The following TBP variants were observed in gnomAD, a reference collection of about 807,000 sequenced individuals.
TBP encodes the protein TATA-box binding protein.
Under a neutral mutation model 46.2 loss-of-function variants are expected in TBP, and 12 were observed. The observed-to-expected ratio is 0.26, with a 90% confidence interval of 0.17 to 0.42. The LOEUF is 0.42. Among genes scored for constraint, TBP ranks in the 10% least tolerant of loss-of-function variants. The probability of loss-of-function intolerance (pLI) is 1.00; values close to 1 mark genes in which losing one functional copy is unlikely to be tolerated. For synonymous variants in TBP, 157 were observed against 148.3 expected (o/e 1.06, Z -0.42); for missense variants, 229 against 403.1 (o/e 0.57, Z 3.70).
At chr6:170,560,053 C>T (rs1469766644) in intron 2 of TBP, among the ~76,000 whole-genome samples, 1 of 152,174 alleles carries the variant, frequency 6.6e-6, no homozygotes, top group Admixed American at 6.5e-5. Context: ...AGTTTAATTT[C>T]AAAATATTAC....
At chr6:170,571,300 TACCTCTTGACTA>T (rs1779362276) in intron 6 of TBP, 98 bp from the exon 7 acceptor site, 1 of 722,056 alleles carries the variant, frequency 1.4e-6, no homozygotes, top group Admixed American at 2.7e-5. Flanking sequence ...AACTGTGTTT[TACCTCTTGACTA>T]GTTTGTTTAT....
chr6:170,564,518 C>T (rs1222816187), intron 3 of TBP, 27 bp from the exon 4 acceptor site: 11 of 1,476,972 alleles, frequency 7.4e-6, no homozygotes, highest in South Asian at 2.4e-5. Context: ...TTTAAATAGT[C>T]GTGTTTTCTT....
chr6:170,564,686 G>GC, intron 4 of TBP, 54 bp downstream of exon 4: 1 of 1,229,452 alleles, frequency 8.1e-7, no homozygotes, highest in South Asian at 1.3e-5. Context: ...CTCCTCTGCC[G>GC]TGTCTCTATA....
In TBP at chr6:170,562,009, GCAGCAGCAA is replaced by G; in HGVS notation, c.277_285del (p.Gln93_Gln95del). 2.0e-6 allele frequency: 3 copies of G among 1,527,594 alleles called. No individual in the cohort carries two copies. The East Asian group carries it at 7.2e-5, about 36-fold the overall frequency. 94.6% of individuals were successfully genotyped at this position (1,527,594 alleles called of 1,614,324 possible). ...AGCAGCAGCAGCAGCAGCAGCAGCA[GCAGCAGCAA>G]CAGGCAGTGGCAGCTGCAGCCGTTC... On this transcript the variant is annotated inframe_deletion, in exon 3 of 8. Coordinates refer to ENST00000392092, the MANE Select transcript of TBP (RefSeq NM_003194.5).
At chr6:170,570,086 T>TC (rs1779341990) in intron 6 of TBP, among the ~76,000 whole-genome samples, 3 of 141,248 alleles carry the variant, frequency 2.1e-5, no homozygotes, top group African/African-American at 8.0e-5. Context: ...ACCCTAACCT[T>TC]GTATCAATTT....
intron 1 of TBP, among the ~76,000 whole-genome samples, chr6:170,556,240 T>C (rs1333528755): frequency 1.3e-5 from 2 of 152,210 alleles, no homozygotes; most frequent in Admixed American, 6.5e-5. Context: ...TCATTTCAGA[T>C]GTGTAGTGAG....
chr6:170,562,119 C>T lies in TBP; in HGVS notation c.383C>T (p.Thr128Ile), dbSNP rs760224751. The change falls in exon 3 of 8, where the codon ACA becomes ATA. Residue 128 changes from threonine (T) to isoleucine (I), a missense_variant. By Grantham distance (89) the Thr-to-Ile change is moderately conservative. Around this residue, in one of 4 missense-constraint regions of TBP, gnomAD observed 69 missense variants for 66.2 expected, o/e 1.04. Transcript: ENST00000392092. ...CAGCTCTTCCACTCACAGACTCTCA[C>T]AACTGCACCCTTGCCGGGCACCACT... ...APQLFHSQTL[T>I]TAPLPGTTPL... The T allele has an allele frequency of 1.2e-6, 2 of 1,614,220 alleles. No homozygotes were observed. Among genetic ancestry groups the T allele is most frequent in the East Asian group, 2.2e-5 (1 of 44,886 alleles).
At chr6:170,555,968 T>C (rs1319827055) in intron 1 of TBP, among the ~76,000 whole-genome samples, 1 of 152,214 alleles carries the variant, frequency 6.6e-6, no homozygotes, top group Non-Finnish European at 1.5e-5. Flanking sequence ...TTAAAAAATA[T>C]CTCTGATATA....
chr6:170,571,431 T>C lies in TBP; in HGVS notation c.867T>C (p.Pro289=), dbSNP rs1562363172. ...CTAGTTATGAGCCAGAGTTATTTCC[T>C]GGTTTAATCTACAGAATGATCAAAC... The part of the protein sequence containing the change: ...QFSSYEPELF[P]GLIYRMIKPR... The change falls in exon 7 of 8, where the codon CCT becomes CCC. Residue 289 remains proline (P), a synonymous_variant. Transcript: ENST00000392092. 3 of 1,613,754 alleles carry C rather than the reference T, an allele frequency of 1.9e-6. No homozygotes were observed. Among genetic ancestry groups the C allele is most frequent in the Non-Finnish European group, 2.5e-6 (3 of 1,179,950 alleles).
At chr6:170,565,042 G>A (rs759286653) in intron 4 of TBP, among the ~76,000 whole-genome samples, 7 of 69,170 alleles carry the variant, frequency 1.0e-4, no homozygotes, top group African/African-American at 2.4e-4. Flanking sequence ...CTGTAATCCC[G>A]GCTACTTGGG....
chr6:170,563,203 G>T (rs374703761), intron 3 of TBP, among the ~76,000 whole-genome samples: 5 of 152,150 alleles, frequency 3.3e-5, no homozygotes, highest in Admixed American at 6.5e-5. Flanking sequence ...CAGCATGCTT[G>T]TCTGACTCCC....
In TBP at chr6:170,565,754, G is replaced by C. The variant is rs544773517; in HGVS notation, c.585+1122G>C. ...TTTTAGATGTTGATAAAATCACAGGGAAGACATAGAGCAGGTTTTAAACTA... is the reference window on the plus strand; with the variant it reads ...TTTTAGATGTTGATAAAATCACAGGCAAGACATAGAGCAGGTTTTAAACTA... On this transcript the variant is annotated intron_variant, in intron 4 of 7. Coordinates refer to ENST00000392092, the MANE Select transcript of TBP (RefSeq NM_003194.5). Among the ~76,000 whole-genome samples, 30 of 152,254 alleles carry C rather than the reference G, an allele frequency of 2.0e-4. No individual in the cohort carries two copies. In the South Asian group the frequency reaches 6.0e-3, roughly 30 times the overall value.
intron 4 of TBP, among the ~76,000 whole-genome samples, chr6:170,566,392 G>A (rs1779247517): frequency 6.6e-6 from 1 of 152,158 alleles, no homozygotes; most frequent in Non-Finnish European, 1.5e-5. Context: ...TTGCATTTAT[G>A]TGTTTAATAC....
intron 1 of TBP, among the ~76,000 whole-genome samples, chr6:170,555,176 T>C (rs1778993128): frequency 6.6e-6 from 1 of 152,240 alleles, no homozygotes; most frequent in Non-Finnish European, 1.5e-5. Context: ...CGGTTTCTTC[T>C]GTAGACTTAC....
chr6:170,562,054 G>A lies in TBP; in HGVS notation c.318G>A (p.Thr106=), dbSNP rs558770381. The change falls in exon 3 of 8, where the codon ACG becomes ACA. Residue 106 remains threonine, a synonymous_variant. Coordinates refer to ENST00000392092, the MANE Select transcript of TBP (RefSeq NM_003194.5). ...AVAAAAVQQS[T]SQQATQGTSG... is the part of the protein sequence containing the mutation. ...CAGCTGCAGCCGTTCAGCAGTCAAC[G>A]TCCCAGCAGGCAACACAGGGAACCT... is the stretch of plus-strand genomic sequence containing the variant. The A allele has an allele frequency of 6.2e-6, 10 of 1,613,970 alleles. No homozygotes were observed. The highest frequency in any genetic ancestry group is 4.0e-5 in the African/African-American group (3 of 74,938).
rs11962869 is a variant in TBP, at chr6:170,564,483, G to A, written c.498-62G>A. 12,929 of 1,169,500 alleles carry A rather than the reference G, an allele frequency of 0.011. 1,048 individuals carry two copies. In the African/African-American group the frequency reaches 0.18, roughly 16 times the overall value. 72.4% of individuals were successfully genotyped at this position (1,169,500 alleles called of 1,614,324 possible). A position where few individuals can be genotyped will look rare whatever the true frequency, so the allele number is the denominator to read the frequency against. ...ATCAGATGTCTGCATAATTTCTAAC[G>A]CCTCATCCAATGAAACTTAAGTAAT... On this transcript the variant is annotated intron_variant, in intron 3 of 7. Coordinates refer to ENST00000392092, the MANE Select transcript of TBP (RefSeq NM_003194.5).
chr6:170,572,091 T>C (rs1583135106), intron 7 of TBP, 95 bp from the exon 8 acceptor site: 3 of 940,708 alleles, frequency 3.2e-6, no homozygotes, highest in East Asian at 2.4e-5. Context: ...ATGGTGAGAA[T>C]TGTGCTTGCA....
rs933497262 is a variant in TBP at position 170,564,652 on chromosome 6, ATTTCTTTTTTT to A, written c.585+31_585+41del. On this transcript the variant is annotated intron_variant, in intron 4 of 7. Coordinates refer to ENST00000392092, the MANE Select transcript of TBP (RefSeq NM_003194.5). The stretch of plus-strand genomic sequence containing the variant: ...CCCAAGGTTAGATCTATTTTAATGT[ATTTCTTTTTTT>A]TTTCTTTTTTGTCTCCTCTGCCGTG... 2.6e-6 allele frequency: 4 copies of A among 1,541,412 alleles called. No homozygotes were observed. The highest frequency in any genetic ancestry group is 2.8e-5 in the African/African-American group (2 of 71,766).
intron 1 of TBP, among the ~76,000 whole-genome samples, chr6:170,555,714 T>C (rs1343490212): frequency 6.6e-6 from 1 of 152,148 alleles, no homozygotes; most frequent in African/African-American, 2.4e-5. Context: ...CATGATCACA[T>C]ACTGTATTCC....
Sources: allele counts gnomAD v4.1 joint callset (sites outside exome capture counted in the v4.1 genomes callset), GRCh38; gene constraint gnomAD v4.1.1; regional missense constraint gnomAD v4.1.1; transcripts MANE v1.5; gene names NCBI Gene and HGNC (gene_info 2026-07-23, HGNC 2026-07-21).